NSMAF: variants seen among roughly 807,000 people sequenced by gnomAD.
NSMAF encodes protein FAN.
Under a neutral mutation model 134.9 loss-of-function variants are expected in NSMAF, and 90 were observed. That is an observed-to-expected ratio of 0.67 (90% CI 0.56 to 0.79). The LOEUF (loss-of-function observed/expected upper bound fraction) is 0.79, where lower values mean the gene tolerates loss of function less well. Ranked by LOEUF, NSMAF falls within the 30% of genes least tolerant of loss-of-function variation. NSMAF has a pLI of 0.00. For missense variants in NSMAF, 1,010 were observed against 1,119.0 expected, an observed-to-expected ratio of 0.90 and a Z score of 1.39; for synonymous variants, 358 against 389.6, an observed-to-expected ratio of 0.92 and a Z score of 0.96.
intron 6 of NSMAF, 41 bp downstream of exon 6, chr8:58,631,455 A>T (rs1807056470): frequency 8.3e-7 from 1 of 1,200,180 alleles, no homozygotes; most frequent in East Asian, 2.6e-5. Context: ...GTTCAAAATG[A>T]CTATATAAAT....
intron 9 of NSMAF, among the ~76,000 whole-genome samples, chr8:58,618,945 T>G (rs1806724407): frequency 6.6e-6 from 1 of 152,112 alleles, no homozygotes; most frequent in Admixed American, 6.5e-5. Context: ...AGCCTAACAT[T>G]TCAGCAACTG....
At position 58,657,714 on chromosome 8, in the gene NSMAF, T is replaced by G. The variant is rs77059535; in HGVS notation, c.59+1859A>C. Among the ~76,000 whole-genome samples, 1,398 of 152,350 alleles carry G rather than the reference T, an allele frequency of 9.2e-3. 23 individuals carry two copies. Among genetic ancestry groups the G allele is most frequent in the African/African-American group, 0.032 (1,325 of 41,584 alleles). On this transcript the variant is annotated intron_variant, in intron 1 of 30. Transcript: ENST00000038176. ...GTTGCAAAGCCATGGGGCAGAGCAC[T>G]AAACAATTTGGGCACTCAGCAAGTT...
chr8:58,631,855 G>A (rs547631528), intron 5 of NSMAF, among the ~76,000 whole-genome samples: 2 of 152,194 alleles, frequency 1.3e-5, no homozygotes, highest in South Asian at 4.2e-4. Flanking sequence ...AGGGAAGGAG[G>A]CTAATCCAAG....
Position 58,625,853 on chromosome 8 carries a change from C to A in NSMAF, c.385-2073G>T, listed in dbSNP as rs1806917177. Among the ~76,000 whole-genome samples the A allele has an allele frequency of 2.0e-5, 3 of 152,048 alleles. No individual in the cohort carries two copies. The South Asian group carries it at 6.2e-4, about 32-fold the overall frequency. ...TGTAGCTCATTTGTCCTCTTTTGTC[C>A]TCTATCTTCCTTTGTGTTGACATTT... On this transcript the variant is annotated intron_variant, in intron 6 of 30. Coordinates refer to ENST00000038176, the MANE Select transcript of NSMAF (RefSeq NM_003580.4).
chr8:58,647,467 C>A (rs1053016940), intron 1 of NSMAF, among the ~76,000 whole-genome samples: 34 of 152,200 alleles, frequency 2.2e-4, no homozygotes, highest in African/African-American at 7.7e-4. Context: ...GATGTTCTGT[C>A]CTCTCCATAT....
rs1412773979 is a variant in NSMAF at position 58,623,362 on chromosome 8, G to A, written c.504+15C>T. On this transcript the variant is annotated intron_variant, in intron 8 of 30. Coordinates refer to ENST00000038176, the MANE Select transcript of NSMAF (RefSeq NM_003580.4). ...TAATTGACAATCAAAGACAGACATT[G>A]TTAAGAATACTTACCATGGCGGTTT... The A allele has an allele frequency of 6.2e-7, 1 of 1,613,060 alleles. No individual in the cohort carries two copies. Among genetic ancestry groups the A allele is most frequent in the Non-Finnish European group, 8.5e-7 (1 of 1,179,290 alleles).
intron 12 of NSMAF, among the ~76,000 whole-genome samples, chr8:58,604,211 C>T (rs1028728948): frequency 2.0e-5 from 3 of 152,114 alleles, no homozygotes; most frequent in Admixed American, 1.3e-4. Context: ...AAACACACTT[C>T]CCCCTCGTTT....
rs200846554 is a variant in NSMAF at position 58,585,994 on chromosome 8, C to T, written c.2453G>A (p.Arg818His). ...ATCTGTTCCTGTGCTGAGGACATGG[C>T]GACTATCTGCAACACAAGGTGAGAC... The part of the protein sequence containing the change: ...VCDTAFSPDS[R>H]HVLSTGTDGC... The change falls in exon 29 of 31, where the codon CGC becomes CAC. Residue 818 changes from arginine to histidine, a missense_variant. Arg to His is a conservative substitution (Grantham distance 29, BLOSUM62 0). Coordinates refer to ENST00000038176, the MANE Select transcript of NSMAF (RefSeq NM_003580.4). 6.1e-5 allele frequency: 98 copies of T among 1,612,132 alleles called. No homozygotes were observed. The highest frequency in any genetic ancestry group is 8.0e-5 in the Non-Finnish European group (94 of 1,178,566).
intron 9 of NSMAF, among the ~76,000 whole-genome samples, chr8:58,610,428 A>G (rs1806502348): frequency 6.6e-6 from 1 of 152,164 alleles, no homozygotes; most frequent in Admixed American, 6.5e-5. Context: ...GACAGGACAA[A>G]AAGATACAGA....
chr8:58,638,046 A>C (rs1807243246), intron 2 of NSMAF, among the ~76,000 whole-genome samples: 1 of 152,186 alleles, frequency 6.6e-6, no homozygotes, highest in African/African-American at 2.4e-5. Flanking sequence ...CACCCAAAAC[A>C]ATCTGTTTTG....
At chr8:58,633,268 T>G (rs1159380949) in intron 5 of NSMAF, among the ~76,000 whole-genome samples, 1 of 152,168 alleles carries the variant, frequency 6.6e-6, no homozygotes, top group East Asian at 1.9e-4. Flanking sequence ...GCACTCACAC[T>G]CCTGTGCCTC....
At chr8:58,651,389 T>C (rs1447655260) in intron 1 of NSMAF, among the ~76,000 whole-genome samples, 2 of 152,188 alleles carry the variant, frequency 1.3e-5, no homozygotes, top group African/African-American at 4.8e-5. Context: ...TTTTAGCCCT[T>C]CCCCTCAGTA....
intron 2 of NSMAF, 127 bp downstream of exon 2, chr8:58,642,857 T>G: frequency 1.4e-6 from 1 of 703,920 alleles, no homozygotes; most frequent in Non-Finnish European, 2.5e-6. Context: ...CTAAATAAAA[T>G]TTACTTTAAT....
At chr8:58,600,072 G>C (rs1025306773) in intron 16 of NSMAF, 51 bp from the exon 17 acceptor site, 2 of 1,366,460 alleles carry the variant, frequency 1.5e-6, no homozygotes, top group Non-Finnish European at 2.1e-6. Context: ...AATAGCAATA[G>C]CAGCATTTCC....
intron 9 of NSMAF, among the ~76,000 whole-genome samples, chr8:58,616,768 T>C (rs1294756443): frequency 6.6e-6 from 1 of 152,102 alleles, no homozygotes; most frequent in Non-Finnish European, 1.5e-5. Context: ...ATAAAAGCCA[T>C]ACGGATTTCT....
chr8:58,585,485 C>T (rs920811693), intron 30 of NSMAF, among the ~76,000 whole-genome samples, 167 bp downstream of exon 30: 7 of 152,042 alleles, frequency 4.6e-5, no homozygotes, highest in Non-Finnish European at 8.8e-5. Flanking sequence ...GAGTAACCTA[C>T]GAGATGCAGA....
At chr8:58,635,589 A>C (rs1807156288) in intron 2 of NSMAF, 43 bp from the exon 3 acceptor site, 1 of 1,185,168 alleles carries the variant, frequency 8.4e-7, no homozygotes, top group African/African-American at 1.5e-5. Context: ...AGCATAACAA[A>C]AATCACAAGA....
At chr8:58,635,140 T>C (rs1008418106) in intron 5 of NSMAF, 49 bp downstream of exon 5, 1 of 1,345,544 alleles carries the variant, frequency 7.4e-7, no homozygotes, top group Non-Finnish European at 1.1e-6. Flanking sequence ...CATGCACATA[T>C]ATAAGAATGT....
At chr8:58,594,345 CTTT>C (rs1466181466) in intron 22 of NSMAF, 55 bp from the exon 23 acceptor site, 29 of 1,449,098 alleles carry the variant, frequency 2.0e-5, no homozygotes, top group Non-Finnish European at 2.8e-5. Context: ...AGGATACCCT[CTTT>C]GTTTCATATC....
Sources: gnomAD v4.1 joint callset for allele counts (sites outside exome capture counted in the v4.1 genomes callset) on GRCh38, gnomAD v4.1.1 for gene constraint, MANE v1.5 for transcripts, NCBI Gene and HGNC (gene_info 2026-07-23, HGNC 2026-07-21) for gene names.